The following OTX2 variants were observed in gnomAD, a reference collection of about 807,000 sequenced individuals.
The protein encoded by OTX2 is homeobox protein OTX2.
A neutral mutation model predicts 29.0 loss-of-function variants in OTX2; 4 were observed. The ratio of observed to expected loss-of-function variants is 0.14; its 90% CI spans 0.07 to 0.32. The LOEUF is 0.32. Ranked by LOEUF, OTX2 falls within the 10% of genes least tolerant of loss-of-function variation. OTX2 has a pLI of 1.00. For missense variants in OTX2, 298 were observed against 365.9 expected (o/e 0.81, Z 1.51); for synonymous variants, 134 against 141.0 (o/e 0.95, Z 0.35).
In OTX2 at chr14:56,800,346, T is replaced by C. The variant is rs1891831513; in HGVS notation, c.*1389A>G. 1 of 152,160 alleles carries C rather than the reference T, an allele frequency of 6.6e-6. No homozygotes were observed. Among genetic ancestry groups the C allele is most frequent in the Non-Finnish European group, 1.5e-5 (1 of 68,042 alleles). 9.4% of individuals were successfully genotyped at this position (152,160 alleles called of 1,614,324 possible). On this transcript the variant is annotated 3_prime_UTR_variant, in exon 5 of 5. Coordinates refer to ENST00000672264, the MANE Select transcript of OTX2 (RefSeq NM_021728.4). The stretch of plus-strand genomic sequence containing the variant: ...TAACAAGAAATTCTTGTCATTCTCA[T>C]GTTTTCAGAGATACTCCAATTCTCC...
In OTX2 at chr14:56,800,281, GT is replaced by G. The variant is rs1485236990; in HGVS notation, c.*1453del. ...CTCATGTTTACCTCAGTTTTTGGAA[GT>G]TAAAAAAAAAAAATCCCCTTAATCA... On this transcript the variant is annotated 3_prime_UTR_variant, in exon 5 of 5. Transcript: ENST00000672264. 2 of 24,212 alleles carry G rather than the reference GT, an allele frequency of 8.3e-5. No homozygotes were observed. The highest frequency in any genetic ancestry group is 2.3e-3 in the Non-Finnish European group (2 of 854). The allele number at this position is 24,212 out of a possible 1,614,324, so 1.5% of individuals were successfully genotyped here. A position where few individuals can be genotyped will look rare whatever the true frequency, so the allele number is the denominator to read the frequency against.
intron 3 of OTX2, 78 bp downstream of exon 3, chr14:56,805,282 C>A: frequency 1.0e-6 from 1 of 974,484 alleles, no homozygotes; most frequent in Non-Finnish European, 1.6e-6. Context: ...CCCCCGTGTT[C>A]CATGGGAACA....
intron 2 of OTX2, among the ~76,000 whole-genome samples, chr14:56,808,047 C>T (rs1345081071): frequency 2.0e-5 from 3 of 151,868 alleles, no homozygotes; most frequent in Non-Finnish European, 2.9e-5. Flanking sequence ...CCACTGCCCG[C>T]GCCCCCCGCG....
intron 2 of OTX2, among the ~76,000 whole-genome samples, chr14:56,808,049 C>T (rs1219437119): frequency 6.6e-6 from 1 of 151,798 alleles, no homozygotes; most frequent in South Asian, 2.1e-4. Context: ...ACTGCCCGCG[C>T]CCCCCGCGCA....
chr14:56,807,085 CA>C (rs1892113309), intron 2 of OTX2, among the ~76,000 whole-genome samples: 2 of 152,168 alleles, frequency 1.3e-5, no homozygotes, highest in Admixed American at 1.3e-4. Context: ...ATTCAGAGCA[CA>C]AAAGTCATGC....
Position 56,800,589 on chromosome 14 carries a change from GT to G in OTX2, c.*1145del, listed in dbSNP as rs1289878916. ...ATGCATAGATTAGCAAAAAAAAAAAGTAAAAATAAGTTTGCTAATTTACTCT... is the reference window on the plus strand; with the variant it reads ...ATGCATAGATTAGCAAAAAAAAAAAGAAAAATAAGTTTGCTAATTTACTCT... On this transcript the variant is annotated 3_prime_UTR_variant, in exon 5 of 5. Coordinates refer to ENST00000672264, the MANE Select transcript of OTX2 (RefSeq NM_021728.4). 6.6e-6 allele frequency: 1 copy of G among 151,604 alleles called. No homozygotes were observed. The highest frequency in any genetic ancestry group is 2.4e-5 in the African/African-American group (1 of 41,256). The allele number at this position is 151,604 out of a possible 1,614,324, so 9.4% of individuals were successfully genotyped here.
chr14:56,808,766 G>T (rs901890538), intron 2 of OTX2, among the ~76,000 whole-genome samples: 1 of 152,186 alleles, frequency 6.6e-6, no homozygotes, highest in Non-Finnish European at 1.5e-5. Context: ...ATCCACCACC[G>T]CAGGGTCGGC....
At chr14:56,807,572 T>C (rs897678035) in intron 2 of OTX2, among the ~76,000 whole-genome samples, 2 of 152,150 alleles carry the variant, frequency 1.3e-5, no homozygotes, top group Admixed American at 1.3e-4. Flanking sequence ...AGGGCCGAGA[T>C]CCTTCCAGGG....
chr14:56,801,467 T>C lies in OTX2; in HGVS notation c.*268A>G, dbSNP rs943019365. On this transcript the variant is annotated 3_prime_UTR_variant, in exon 5 of 5. Coordinates refer to ENST00000672264, the MANE Select transcript of OTX2 (RefSeq NM_021728.4). The surrounding 1 kb of genome is among the most constrained non-coding windows in gnomAD (Gnocchi z 4.2). ...TTGGTGGTGTTTGGTTGCACATGGC[T>C]AGAATGCTTTTGATCACTTTGCAAA... The C allele has an allele frequency of 3.8e-6, 2 of 521,130 alleles. No homozygotes were observed. Among genetic ancestry groups the C allele is most frequent in the Non-Finnish European group, 6.9e-6 (2 of 288,886 alleles). 32.3% of individuals were successfully genotyped at this position (521,130 alleles called of 1,614,324 possible).
At position 56,804,535 on chromosome 14, in the gene OTX2, G is replaced by A. The variant is rs575310658; in HGVS notation, c.98-172C>T. ...TGCTCCCCGGGGACCCAGGACACAC[G>A]CTGCTTCTTTCCCTACTCTTCTTGG... On this transcript the variant is annotated intron_variant, in intron 3 of 4. Transcript: ENST00000672264. The surrounding 1 kb of genome is among the most constrained non-coding windows in gnomAD (Gnocchi z 4.1). 6.6e-6 allele frequency among the ~76,000 whole-genome samples: 1 copy of A among 151,988 alleles called. No homozygotes were observed. The highest frequency in any genetic ancestry group is 1.5e-5 in the Non-Finnish European group (1 of 68,000).
At position 56,802,205 on chromosome 14, in the gene OTX2, G is replaced by C. The variant is rs753783256; in HGVS notation, c.424C>G (p.Pro142Ala). Residue 142 changes from proline (P) to alanine (A), a missense_variant, in exon 5 of 5, where the codon CCC (proline) becomes GCC (alanine). By Grantham distance (27) the Pro-to-Ala change is conservative. Around this residue, in one of 3 missense-constraint regions of OTX2, gnomAD observed 219 missense variants for 223.5 expected, o/e 0.98. Transcript: ENST00000672264. This position sits in a 1 kb window ranked among gnomAD's most constrained non-coding sequence, Gnocchi z 4.4. ...ESGTSGQFTP[P>A]SSTSVPTIAS... Reference sequence around the variant, plus strand: ...ATGGTCGGGACTGAGGTGCTAGAGGGGGGAGTGAATTGGCCACTTGTTCCA... The same window carrying C: ...ATGGTCGGGACTGAGGTGCTAGAGGCGGGAGTGAATTGGCCACTTGTTCCA... The C allele has an allele frequency of 3.7e-5, 60 of 1,614,012 alleles. No individual in the cohort carries two copies. Among genetic ancestry groups the C allele is most frequent in the Non-Finnish European group, 4.8e-5 (57 of 1,180,020 alleles).
chr14:56,808,784 G>C (rs1223533767), intron 2 of OTX2, among the ~76,000 whole-genome samples: 1 of 152,158 alleles, frequency 6.6e-6, no homozygotes, highest in Non-Finnish European at 1.5e-5. Context: ...GGCGCCGCTC[G>C]GCCTTCGCTC....
chr14:56,805,205 G>A (rs1230486726), intron 3 of OTX2, among the ~76,000 whole-genome samples, 155 bp downstream of exon 3: 1 of 152,318 alleles, frequency 6.6e-6, no homozygotes, highest in African/African-American at 2.4e-5. Context: ...CCCTGGGACT[G>A]CTTCCTCAGA....
Position 56,804,448 on chromosome 14 carries a change from C to G in OTX2, c.98-85G>C, listed in dbSNP as rs1344554868. Reference sequence around the variant, plus strand: ...CTGCCCTCCACCCCGCAGCAGTCCCCCGTTCCTCACAGCCCTTCAGCCGGG... The same window carrying G: ...CTGCCCTCCACCCCGCAGCAGTCCCGCGTTCCTCACAGCCCTTCAGCCGGG... On this transcript the variant is annotated intron_variant, in intron 3 of 4. Coordinates refer to ENST00000672264, the MANE Select transcript of OTX2 (RefSeq NM_021728.4). This position sits in a 1 kb window ranked among gnomAD's most constrained non-coding sequence, Gnocchi z 4.1. 1.1e-5 allele frequency: 14 copies of G among 1,290,368 alleles called. No homozygotes were observed. The highest frequency in any genetic ancestry group is 1.5e-5 in the Non-Finnish European group (14 of 939,732). The allele number at this position is 1,290,368 out of a possible 1,614,324, so 79.9% of individuals were successfully genotyped here. A position where few individuals can be genotyped will look rare whatever the true frequency, so the allele number is the denominator to read the frequency against.
At chr14:56,810,132 A>T (rs1892226161) in intron 2 of OTX2, 27 bp downstream of exon 2, 3 of 152,230 alleles carry the variant, frequency 2.0e-5, no homozygotes, top group African/African-American at 7.2e-5. Context: ...GTAGATATGG[A>T]TATAGACAAG....
intron 1 of OTX2, 70 bp from the exon 2 acceptor site, chr14:56,810,292 A>G (rs1468394787): frequency 1.3e-5 from 2 of 152,190 alleles, no homozygotes; most frequent in African/African-American, 2.4e-5. Context: ...GTCAAACACA[A>G]CCAAAAAAAA....
In OTX2 at chr14:56,802,327, C is replaced by T; in HGVS notation, c.302G>A (p.Cys101Tyr). The T allele has an allele frequency of 6.2e-7, 1 of 1,614,160 alleles. No individual in the cohort carries two copies. Among genetic ancestry groups the T allele is most frequent in the Non-Finnish European group, 8.5e-7 (1 of 1,180,024 alleles). Residue 101 changes from cysteine to tyrosine, a missense_variant, in exon 5 of 5, where the codon TGC (cysteine) becomes TAC (tyrosine). By Grantham distance (194) the Cys-to-Tyr change is radical (BLOSUM62 -2). Around this residue, in one of 3 missense-constraint regions of OTX2, gnomAD observed 29 missense variants for 84.7 expected, o/e 0.34. Transcript: ENST00000672264. The surrounding 1 kb of genome is among the most constrained non-coding windows in gnomAD (Gnocchi z 4.4). ...CTGCTGTTGTTGCTGTTGTTGGCGG[C>T]ACTTAGCTCTTCGATTCTTAAACCA... is the stretch of plus-strand genomic sequence containing the variant. ...QVWFKNRRAK[C>Y]RQQQQQQQNG...
In OTX2 at chr14:56,802,625, C is replaced by T. The variant is rs1159407600; in HGVS notation, c.274-270G>A. 1.3e-5 allele frequency among the ~76,000 whole-genome samples: 2 copies of T among 152,214 alleles called. No homozygotes were observed. Among genetic ancestry groups the T allele is most frequent in the East Asian group, 3.9e-4 (2 of 5,188 alleles). On this transcript the variant is annotated intron_variant, in intron 4 of 4. Coordinates refer to ENST00000672264, the MANE Select transcript of OTX2 (RefSeq NM_021728.4). The surrounding 1 kb of genome is among the most constrained non-coding windows in gnomAD (Gnocchi z 4.4). ...CCCCCAAATCATATAGCTAAAAACT[C>T]TCCACATCACTTTCCTATCTTATTT...
intron 4 of OTX2, among the ~76,000 whole-genome samples, chr14:56,803,079 A>G (rs1197668241): frequency 6.6e-6 from 1 of 152,222 alleles, no homozygotes; most frequent in Non-Finnish European, 1.5e-5. Flanking sequence ...ACATAGACTC[A>G]GTCTCCTGTG....
Sources: gnomAD v4.1 joint callset for allele counts (sites outside exome capture counted in the v4.1 genomes callset) on GRCh38, gnomAD v4.1.1 for gene constraint, gnomAD v4.1.1 regional missense constraint, Gnocchi (gnomAD v3.1) non-coding constraint, MANE v1.5 for transcripts, NCBI Gene and HGNC (gene_info 2026-07-23, HGNC 2026-07-21) for gene names.